SASH1: variants seen among roughly 807,000 people sequenced by gnomAD.
SASH1 encodes SAM and SH3 domain containing 1, also known as SAM and SH3 domain-containing protein 1.
SASH1 carries 44 observed loss-of-function variants against 125.2 expected under a neutral mutation model. The ratio of observed to expected loss-of-function variants is 0.35; its 90% confidence interval spans 0.28 to 0.45. The LOEUF (loss-of-function observed/expected upper bound fraction) is 0.45. SASH1 is among the 20% of genes least tolerant of loss of function. SASH1 has a pLI of 1.00. For synonymous variants in SASH1, 639 were observed against 649.1 expected (o/e 0.98, Z 0.24); for missense variants, 1,426 against 1,614.5 (o/e 0.88, Z 2.00).
At chr6:148,418,583 G>A (rs562050384) in intron 2 of SASH1, among the ~76,000 whole-genome samples, 2 of 152,238 alleles carry the variant, frequency 1.3e-5, no homozygotes, top group South Asian at 2.1e-4. Context: ...TGGTGTCTCC[G>A]CTTCCAGTCT....
At chr6:148,278,945 AG>A (rs946875757) in intron 1 of SASH1, among the ~76,000 whole-genome samples, 2 of 152,118 alleles carry the variant, frequency 1.3e-5, no homozygotes, top group Non-Finnish European at 2.9e-5. Context: ...AGACTCTCAA[AG>A]GTCTAGAGGT....
At chr6:148,411,185 A>G (rs1784613076) in intron 2 of SASH1, among the ~76,000 whole-genome samples, 2 of 149,752 alleles carry the variant, frequency 1.3e-5, no homozygotes, top group African/African-American at 2.4e-5. Flanking sequence ...AAAAAAAAAA[A>G]AAAAAAAAAA....
chr6:148,251,146 G>C, the SASH1 span, among the ~76,000 whole-genome samples: 17 of 152,266 alleles, frequency 1.1e-4, no homozygotes, highest in African/African-American at 3.4e-4. Flanking sequence ...TTAGGAACTC[G>C]TTATGTGGCT....
In SASH1 at chr6:148,458,823, C is replaced by T. The variant is rs377463267; in HGVS notation, c.387-9722C>T. Among the ~76,000 whole-genome samples, 13 of 152,032 alleles carry T rather than the reference C, an allele frequency of 8.6e-5. No homozygotes were observed. In the East Asian group the frequency reaches 1.6e-3, roughly 18 times the overall value. On this transcript the variant is annotated intron_variant, in intron 4 of 19. Transcript: ENST00000367467. ...AAAAACAAAAAATCAAAAGATTAGT[C>T]GGGCATGATGGCATGCGACTCGAGT...
At chr6:148,359,303 CATGAGCCATTGTGCTTGGCCGG>C (rs1782092798) in intron 1 of SASH1, among the ~76,000 whole-genome samples, 1 of 148,698 alleles carries the variant, frequency 6.7e-6, no homozygotes, top group African/African-American at 2.5e-5. Flanking sequence ...GGATTACAGG[CATGAGCCATTGTGCTTGGCCGG>C]TTTTTTTTTT....
At chr6:148,460,447 AT>A (rs75420590) in intron 4 of SASH1, among the ~76,000 whole-genome samples, 12,600 of 152,270 alleles carry the variant, frequency 0.083, 621 homozygotes, top group Middle Eastern at 0.13. Context: ...TTGAACCAGA[AT>A]TAAAGATTAG....
chr6:148,256,165 T>C, the SASH1 span, among the ~76,000 whole-genome samples: 1 of 152,206 alleles, frequency 6.6e-6, no homozygotes, highest in Non-Finnish European at 1.5e-5. Flanking sequence ...TTATTTAAAG[T>C]AGTTTTTCTA....
intron 1 of SASH1, among the ~76,000 whole-genome samples, chr6:148,304,966 G>A (rs1246916116): frequency 6.6e-6 from 1 of 152,316 alleles, no homozygotes. Flanking sequence ...AGGAGGTGGA[G>A]GTTGCAGTGA....
chr6:148,362,545 T>C (rs1782277504), intron 1 of SASH1, among the ~76,000 whole-genome samples: 1 of 151,298 alleles, frequency 6.6e-6, no homozygotes, highest in African/African-American at 2.4e-5. Flanking sequence ...TTTTTACTAT[T>C]ATATGCCTTT....
At chr6:148,252,718 A>T in the SASH1 span, among the ~76,000 whole-genome samples, 3 of 152,090 alleles carry the variant, frequency 2.0e-5, no homozygotes, top group Non-Finnish European at 1.5e-5. Context: ...ACCTCACGTG[A>T]TCCATCCGCC....
At chr6:148,287,840 C>G (rs1461290751) in intron 1 of SASH1, among the ~76,000 whole-genome samples, 2 of 152,154 alleles carry the variant, frequency 1.3e-5, no homozygotes, top group Non-Finnish European at 2.9e-5. Flanking sequence ...CCAGACATCT[C>G]CCGTCTCCCA....
intron 7 of SASH1, among the ~76,000 whole-genome samples, chr6:148,474,857 C>T (rs572598174): frequency 1.3e-5 from 2 of 152,310 alleles, no homozygotes; most frequent in South Asian, 4.1e-4. Context: ...CAGGCATAAG[C>T]AAGCGCACCT....
At chr6:148,224,792 A>AG in the SASH1 span, among the ~76,000 whole-genome samples, 3 of 152,242 alleles carry the variant, frequency 2.0e-5, no homozygotes, top group African/African-American at 7.2e-5. Flanking sequence ...ATAAATTGAT[A>AG]GAAAAAATTT....
chr6:148,366,810 C>G (rs1441454963), intron 1 of SASH1, among the ~76,000 whole-genome samples: 3 of 152,030 alleles, frequency 2.0e-5, no homozygotes, highest in African/African-American at 4.8e-5. Flanking sequence ...ATTGGTCAGG[C>G]TGGTCTCAAA....
chr6:148,439,680 G>A (rs1185291954), intron 2 of SASH1, among the ~76,000 whole-genome samples: 3 of 152,142 alleles, frequency 2.0e-5, no homozygotes, highest in Non-Finnish European at 4.4e-5. Context: ...GGGAGGCTGA[G>A]GCAGGAGAAT....
chr6:148,266,683 C>T, the SASH1 span, among the ~76,000 whole-genome samples: 12 of 152,218 alleles, frequency 7.9e-5, no homozygotes, highest in Non-Finnish European at 1.6e-4. Context: ...TCACTGCAGC[C>T]TCAACTTCCT....
intron 2 of SASH1, among the ~76,000 whole-genome samples, chr6:148,433,409 T>TC (rs1776144860): frequency 2.8e-5 from 2 of 70,882 alleles, no homozygotes; most frequent in African/African-American, 1.3e-4. Flanking sequence ...CTTTTTTCTT[T>TC]TTTTTTTTTT....
At chr6:148,201,606 C>T in the SASH1 span, among the ~76,000 whole-genome samples, 6 of 152,142 alleles carry the variant, frequency 3.9e-5, no homozygotes, top group African/African-American at 1.2e-4. Context: ...AGCTCAAAAC[C>T]GTATCACCCA....
intron 8 of SASH1, among the ~76,000 whole-genome samples, chr6:148,509,910 C>T (rs766431931): frequency 1.3e-5 from 2 of 152,222 alleles, no homozygotes; most frequent in Non-Finnish European, 1.5e-5. Context: ...GTCAAGGATG[C>T]ACTTGTTCCA....
Sources: allele counts gnomAD v4.1 joint callset (sites outside exome capture counted in the v4.1 genomes callset), GRCh38; gene constraint gnomAD v4.1.1; transcripts MANE v1.5; gene names NCBI Gene and HGNC (gene_info 2026-07-23, HGNC 2026-07-21).